Variants in EDRF1 observed in about 807,000 individuals in gnomAD.
EDRF1 encodes erythroid differentiation-related factor 1.
EDRF1 carries 69 observed loss-of-function variants against 148.7 expected under a neutral mutation model. The observed-to-expected ratio is 0.46, with a 90% confidence interval of 0.38 to 0.57. The LOEUF is 0.57. Ranked by LOEUF, EDRF1 falls within the 20% of genes least tolerant of loss-of-function variation. The pLI is 0.00. For synonymous variants in EDRF1, 515 were observed against 532.8 expected (o/e 0.97, Z 0.46); for missense variants, 1,118 against 1,478.7 (o/e 0.76, Z 4.00).
At position 125,763,215 on chromosome 10, in the gene EDRF1, C is replaced by T; in HGVS notation, c.3546-86C>T. On this transcript the variant is annotated intron_variant, in intron 24 of 24. Coordinates refer to ENST00000356792, the MANE Select transcript of EDRF1 (RefSeq NM_001202438.2). The surrounding 1 kb of genome is among the most constrained non-coding windows in gnomAD (Gnocchi z 4.3). ...TGCTCTGTGAAGAGTGACTGTTGGG[C>T]TGTCACTGTCCGGTTTTCTGGACCT... 1.5e-6 allele frequency: 2 copies of T among 1,322,106 alleles called. No individual in the cohort carries two copies. Among genetic ancestry groups the T allele is most frequent in the South Asian group, 2.4e-5 (2 of 84,632 alleles). 81.9% of individuals were successfully genotyped at this position (1,322,106 alleles called of 1,614,324 possible). A position where few individuals can be genotyped will look rare whatever the true frequency, so the allele number is the denominator to read the frequency against.
intron 10 of EDRF1, 41 bp from the exon 11 acceptor site, chr10:125,733,594 G>A (rs779817190): frequency 6.2e-7 from 1 of 1,609,306 alleles, no homozygotes; most frequent in South Asian, 1.1e-5. Context: ...ATTGATTTGG[G>A]TAACTGCTGT....
At position 125,729,430 on chromosome 10, in the gene EDRF1, A is replaced by G. The variant is rs1268821185; in HGVS notation, c.967A>G (p.Met323Val). Residue 323 changes from methionine to valine, a missense_variant, in exon 8 of 25, where the codon ATG becomes GTG. By Grantham distance (21) the Met-to-Val change is conservative (BLOSUM62 1). Transcript: ENST00000356792. ...EDIHMLVGSN[M>V]PIFGGGRYPA... ...TATCCATATGTTGGTCGGCTCCAAC[A>G]TGCCCATATTTGGAGGAGGCAGATA... 2 of 1,614,036 alleles carry G rather than the reference A, an allele frequency of 1.2e-6. No homozygotes were observed. Among genetic ancestry groups the G allele is most frequent in the East Asian group, 2.2e-5 (1 of 44,902 alleles).
intron 6 of EDRF1, among the ~76,000 whole-genome samples, chr10:125,727,543 G>A (rs1375187692): frequency 6.6e-6 from 1 of 152,052 alleles, no homozygotes; most frequent in Non-Finnish European, 1.5e-5. Context: ...TTTGAGAATC[G>A]GTTCATGAGT....
rs1248711015 is a variant in EDRF1 at position 125,719,791 on chromosome 10, T to C, written c.-17T>C. The C allele has an allele frequency of 6.2e-7, 1 of 1,603,338 alleles. No homozygotes were observed. Among genetic ancestry groups the C allele is most frequent in the East Asian group, 2.2e-5 (1 of 44,602 alleles). ...TCCTCCGCTCCCCCGTCGTATCGCCTGCCCTGGATCGAAGTGATGGGGGAT... is the reference window on the plus strand; with the variant it reads ...TCCTCCGCTCCCCCGTCGTATCGCCCGCCCTGGATCGAAGTGATGGGGGAT... On this transcript the variant is annotated 5_prime_UTR_variant, in exon 1 of 25. Coordinates refer to ENST00000356792, the MANE Select transcript of EDRF1 (RefSeq NM_001202438.2).
chr10:125,742,936 T>C, intron 17 of EDRF1, 122 bp from the exon 18 acceptor site: 1 of 1,454,232 alleles, frequency 6.9e-7, no homozygotes, highest in South Asian at 1.3e-5. Context: ...TGATTGAATC[T>C]TGGTATACTT....
At chr10:125,728,058 C>T (rs1450891073) in intron 6 of EDRF1, among the ~76,000 whole-genome samples, 1 of 151,724 alleles carries the variant, frequency 6.6e-6, no homozygotes, top group Non-Finnish European at 1.5e-5. Context: ...AAAAATTAGC[C>T]GGGCATGGTG....
chr10:125,729,320 T>G (rs1398547677), intron 7 of EDRF1, 38 bp from the exon 8 acceptor site: 2 of 1,608,446 alleles, frequency 1.2e-6, no homozygotes, highest in African/African-American at 2.7e-5. Context: ...AATTACAGAT[T>G]GACTGTTTAT....
intron 24 of EDRF1, 121 bp downstream of exon 24, chr10:125,753,966 A>AAAGTGCTGGGATT: frequency 9.0e-7 from 1 of 1,113,912 alleles, no homozygotes; most frequent in Non-Finnish European, 1.3e-6. Flanking sequence ...CTGCAATCCC[A>AAAGTGCTGGGATT]GCACTTTGGG....
intron 9 of EDRF1, among the ~76,000 whole-genome samples, chr10:125,732,885 C>G (rs577210575): frequency 6.6e-6 from 1 of 152,204 alleles, no homozygotes; most frequent in East Asian, 1.9e-4. Flanking sequence ...TCCATTCCCC[C>G]CTGCTCCATC....
intron 2 of EDRF1, 41 bp from the exon 3 acceptor site, chr10:125,723,027 A>G (rs1404388130): frequency 1.3e-6 from 2 of 1,492,618 alleles, no homozygotes; most frequent in Non-Finnish European, 1.9e-6. Context: ...CATGATTATG[A>G]GCATGACCTC....
intron 12 of EDRF1, 86 bp from the exon 13 acceptor site, chr10:125,735,555 ACCT>A (rs1415649693): frequency 4.6e-6 from 6 of 1,304,446 alleles, no homozygotes; most frequent in Non-Finnish European, 6.5e-6. Flanking sequence ...CTGTGTGCAG[ACCT>A]CCTCCTAAAA....
At chr10:125,759,693 TTGTG>T (rs1279382967) in intron 24 of EDRF1, among the ~76,000 whole-genome samples, 1 of 152,078 alleles carries the variant, frequency 6.6e-6, no homozygotes, top group African/African-American at 2.4e-5. Flanking sequence ...TTTTATTTGG[TTGTG>T]TGTGTTTTTA....
At chr10:125,736,891 T>G (rs1218082905) in intron 13 of EDRF1, among the ~76,000 whole-genome samples, 4 of 152,036 alleles carry the variant, frequency 2.6e-5, no homozygotes, top group African/African-American at 9.7e-5. Context: ...TGCTCTACTT[T>G]TTTGTCCTTC....
At chr10:125,745,186 GCTGTAATGAAATATCA>G in intron 18 of EDRF1, 1 of 171,648 alleles carries the variant, frequency 5.8e-6, no homozygotes, top group Non-Finnish European at 1.3e-5. Flanking sequence ...AGCTGGGGCT[GCTGTAATGAAATATCA>G]TAGACTAGGT....
intron 19 of EDRF1, chr10:125,746,951 G>T (rs1216553070): frequency 6.5e-6 from 1 of 154,102 alleles, no homozygotes; most frequent in African/African-American, 2.4e-5. Context: ...TGACATTAGT[G>T]AAGAATGTTG....
rs1849128352 is a variant in EDRF1 at position 125,743,284 on chromosome 10, T to A, written c.2590+8T>A. 6.2e-7 allele frequency: 1 copy of A among 1,605,536 alleles called. No homozygotes were observed. The highest frequency in any genetic ancestry group is 8.5e-7 in the Non-Finnish European group (1 of 1,172,606). On this transcript the variant is annotated splice_region_variant and intron_variant, in intron 18 of 24. Transcript: ENST00000356792. The stretch of plus-strand genomic sequence containing the variant: ...TACAGAGTGAGAGACTAGGTGAGTA[T>A]CTCTTTAGATTCCTCTCTATTGCTT...
chr10:125,753,263 C>T (rs889462822), intron 23 of EDRF1, among the ~76,000 whole-genome samples: 4 of 152,128 alleles, frequency 2.6e-5, no homozygotes, highest in African/African-American at 7.2e-5. Context: ...CACTAGAATG[C>T]CTGGGAGCAG....
chr10:125,720,050 TGAA>T, intron 1 of EDRF1, 135 bp downstream of exon 1: 1 of 725,776 alleles, frequency 1.4e-6, no homozygotes, highest in South Asian at 1.9e-5. Context: ...AACAGGGAGT[TGAA>T]GTCCATGCTC....
At chr10:125,753,156 AATTAT>A (rs1473832945) in intron 23 of EDRF1, among the ~76,000 whole-genome samples, 12 of 152,236 alleles carry the variant, frequency 7.9e-5, no homozygotes, top group African/African-American at 2.7e-4. Flanking sequence ...ATAGTTAACA[AATTAT>A]AAAGTCTCTT....
Sources: allele counts gnomAD v4.1 joint callset (sites outside exome capture counted in the v4.1 genomes callset), GRCh38; gene constraint gnomAD v4.1.1; non-coding constraint Gnocchi (gnomAD v3.1); transcripts MANE v1.5; gene names NCBI Gene and HGNC (gene_info 2026-07-23, HGNC 2026-07-21).